Variants in ST6GALNAC3 observed in about 807,000 individuals in gnomAD.
ST6GALNAC3 encodes the protein ST6 N-acetylgalactosaminide alpha-2,6-sialyltransferase 3.
Under a neutral mutation model 32.7 loss-of-function variants are expected in ST6GALNAC3, and 25 were observed. The ratio of observed to expected loss-of-function variants is 0.76; its 90% confidence interval spans 0.56 to 1.07. The LOEUF (loss-of-function observed/expected upper bound fraction) is 1.07. Among genes scored for constraint, ST6GALNAC3 ranks in the 50% least tolerant of loss-of-function variants. ST6GALNAC3 has a pLI of 0.00. For missense variants in ST6GALNAC3, 355 were observed against 382.4 expected (o/e 0.93, Z 0.60); for synonymous variants, 129 against 133.1 (o/e 0.97, Z 0.21).
chr1:76,138,328 A>G (rs1308833207), intron 1 of ST6GALNAC3, among the ~76,000 whole-genome samples: 1 of 152,146 alleles, frequency 6.6e-6, no homozygotes, highest in Admixed American at 6.5e-5. Flanking sequence ...GTGTCCCCAG[A>G]GTGATGTATT....
chr1:76,436,706 A>C (rs1331340851), intron 3 of ST6GALNAC3, among the ~76,000 whole-genome samples: 2 of 152,122 alleles, frequency 1.3e-5, no homozygotes, highest in African/African-American at 4.8e-5. Flanking sequence ...TTTTTCCTTC[A>C]TGAGGAAAAA....
At chr1:76,438,585 C>T (rs1008224659) in intron 3 of ST6GALNAC3, among the ~76,000 whole-genome samples, 6 of 152,196 alleles carry the variant, frequency 3.9e-5, no homozygotes, top group African/African-American at 1.4e-4. Context: ...TTCCATTCTT[C>T]TCTTTTTATA....
chr1:76,205,212 A>G (rs1255858870), intron 1 of ST6GALNAC3, among the ~76,000 whole-genome samples: 1 of 152,178 alleles, frequency 6.6e-6, no homozygotes, highest in African/African-American at 2.4e-5. Context: ...TTTTAAGAGT[A>G]TTGTATCAGT....
chr1:76,525,791 GTATATATATATATATATATATA>G (rs199721572), intron 3 of ST6GALNAC3, among the ~76,000 whole-genome samples: 7 of 75,580 alleles, frequency 9.3e-5, no homozygotes, highest in Admixed American at 3.4e-4. Flanking sequence ...GTGTGTGTGT[GTATATATATATATATATATATA>G]TATATATATA....
intron 1 of ST6GALNAC3, among the ~76,000 whole-genome samples, chr1:76,091,566 TGAC>T (rs1439544657): frequency 6.6e-6 from 1 of 152,258 alleles, no homozygotes; most frequent in Non-Finnish European, 1.5e-5. Context: ...ATGTGCCACA[TGAC>T]GACGTTTCAG....
At chr1:76,205,015 T>A (rs1654742794) in intron 1 of ST6GALNAC3, among the ~76,000 whole-genome samples, 1 of 152,224 alleles carries the variant, frequency 6.6e-6, no homozygotes, top group Non-Finnish European at 1.5e-5. Context: ...TCCCTTCCAC[T>A]GCTGTTATTC....
intron 1 of ST6GALNAC3, among the ~76,000 whole-genome samples, chr1:76,237,447 A>G (rs975737838): frequency 6.6e-6 from 1 of 152,176 alleles, no homozygotes; most frequent in African/African-American, 2.4e-5. Context: ...GTGAGAGGAG[A>G]TGAAGGCCAC....
chr1:76,083,738 G>T (rs369374227), intron 1 of ST6GALNAC3, among the ~76,000 whole-genome samples: 2 of 152,002 alleles, frequency 1.3e-5, no homozygotes, highest in Non-Finnish European at 2.9e-5. Context: ...ATTTCAAAAT[G>T]TACTCAATAT....
At chr1:76,257,440 A>C (rs934852476) in intron 1 of ST6GALNAC3, among the ~76,000 whole-genome samples, 3 of 152,120 alleles carry the variant, frequency 2.0e-5, no homozygotes, top group Non-Finnish European at 4.4e-5. Flanking sequence ...GATTTAGTAC[A>C]TTTGGGGTGG....
chr1:76,274,508 C>G (rs1159940557), intron 1 of ST6GALNAC3, among the ~76,000 whole-genome samples: 1 of 152,164 alleles, frequency 6.6e-6, no homozygotes, highest in East Asian at 1.9e-4. Context: ...CTCATCATTT[C>G]ACATCAGGAA....
chr1:76,437,318 A>G (rs1344143452), intron 3 of ST6GALNAC3, among the ~76,000 whole-genome samples: 1 of 152,116 alleles, frequency 6.6e-6, no homozygotes, highest in African/African-American at 2.4e-5. Context: ...ATATTTATTC[A>G]TAGCCCTCCT....
chr1:76,370,906 C>A (rs1274373016), intron 2 of ST6GALNAC3, among the ~76,000 whole-genome samples: 2 of 152,048 alleles, frequency 1.3e-5, no homozygotes, highest in Non-Finnish European at 2.9e-5. Context: ...ATCTATAATT[C>A]TAACCATCTT....
rs141266672 is a variant in ST6GALNAC3, at chr1:76,321,245, G to T, written c.213+7246G>T. ...AGGAAAGGCCCCCTTTTCTCTGGTG[G>T]TAAAGCTGTTGGGATGTGATTCTCT... On this transcript the variant is annotated intron_variant, in intron 2 of 4. Coordinates refer to ENST00000328299, the MANE Select transcript of ST6GALNAC3 (RefSeq NM_152996.4). Among the ~76,000 whole-genome samples the T allele has an allele frequency of 1.7e-3, 256 of 152,204 alleles. 2 individuals carry two copies. The highest frequency in any genetic ancestry group is 5.6e-3 in the African/African-American group (233 of 41,552).
rs574805566 is a variant in ST6GALNAC3, at chr1:76,384,642, G to T, written c.214-27366G>T. Reference sequence around the variant, plus strand: ...AATTAATCACATACTGGTCAATAATGCAAGTCTTTAAAAAATTCAATGAGT... The same window carrying T: ...AATTAATCACATACTGGTCAATAATTCAAGTCTTTAAAAAATTCAATGAGT... On this transcript the variant is annotated intron_variant, in intron 2 of 4. Transcript: ENST00000328299. 7.4e-4 allele frequency among the ~76,000 whole-genome samples: 112 copies of T among 151,854 alleles called. 1 individual carries two copies. The highest frequency in any genetic ancestry group is 1.3e-3 in the Non-Finnish European group (91 of 67,936).
intron 1 of ST6GALNAC3, among the ~76,000 whole-genome samples, chr1:76,267,471 A>G (rs1330949929): frequency 6.6e-6 from 1 of 152,158 alleles, no homozygotes; most frequent in Non-Finnish European, 1.5e-5. Flanking sequence ...AGCATCTGCA[A>G]CCACTCTCAC....
intron 3 of ST6GALNAC3, among the ~76,000 whole-genome samples, chr1:76,596,735 A>G (rs1177852647): frequency 6.6e-6 from 1 of 152,144 alleles, no homozygotes; most frequent in Non-Finnish European, 1.5e-5. Flanking sequence ...ACTTTTCTCT[A>G]CATTTCCTAT....
chr1:76,139,241 A>G (rs992964147), intron 1 of ST6GALNAC3, among the ~76,000 whole-genome samples: 3 of 152,152 alleles, frequency 2.0e-5, no homozygotes, highest in African/African-American at 7.2e-5. Context: ...TACATGCACA[A>G]TCACACAAAC....
chr1:76,542,093 A>G (rs1341518284), intron 3 of ST6GALNAC3, among the ~76,000 whole-genome samples: 2 of 152,224 alleles, frequency 1.3e-5, no homozygotes, highest in Non-Finnish European at 2.9e-5. Context: ...TGTTCAAACA[A>G]TCTCCAAATG....
At chr1:76,526,137 C>T (rs1662897686) in intron 3 of ST6GALNAC3, among the ~76,000 whole-genome samples, 1 of 151,828 alleles carries the variant, frequency 6.6e-6, no homozygotes, top group Admixed American at 6.6e-5. Context: ...TTCCCTACTT[C>T]CTTTGCCTAT....
Sources: allele counts gnomAD v4.1 joint callset (sites outside exome capture counted in the v4.1 genomes callset), GRCh38; gene constraint gnomAD v4.1.1; transcripts MANE v1.5; gene names NCBI Gene and HGNC (gene_info 2026-07-23, HGNC 2026-07-21).